Variants in SNW1 observed in about 807,000 individuals in gnomAD.
SNW1 encodes SNW domain-containing protein 1.
Under a neutral mutation model 75.6 loss-of-function variants are expected in SNW1, and 9 were observed. That is an observed-to-expected ratio of 0.12 (90% CI 0.07 to 0.21). The LOEUF (loss-of-function observed/expected upper bound fraction) is 0.21, where lower values mean the gene tolerates loss of function less well. SNW1 is among the 10% of genes least tolerant of loss of function. The probability of loss-of-function intolerance (pLI) is 1.00; values close to 1 mark genes in which losing one functional copy is unlikely to be tolerated. For synonymous variants in SNW1, 200 were observed against 219.1 expected (o/e 0.91, Z 0.77); for missense variants, 409 against 670.9 (o/e 0.61, Z 4.31).
At chr14:77,742,873 G>A (rs2080729245) in intron 3 of SNW1, among the ~76,000 whole-genome samples, 1 of 151,148 alleles carries the variant, frequency 6.6e-6, no homozygotes, top group Non-Finnish European at 1.5e-5. Context: ...CCTGTATGTA[G>A]TATTTCTTAC....
At chr14:77,731,160 A>G (rs754181399) in intron 9 of SNW1, 31 bp from the exon 10 acceptor site, 2 of 1,608,060 alleles carry the variant, frequency 1.2e-6, no homozygotes, top group East Asian at 2.2e-5. Context: ...TAAACAGGAC[A>G]CTATCATGGG....
At chr14:77,730,821 C>T in intron 10 of SNW1, 167 bp downstream of exon 10, 1 of 676,122 alleles carries the variant, frequency 1.5e-6, no homozygotes, top group Non-Finnish European at 2.4e-6. Context: ...TCTCCTGTTG[C>T]TTCAGCTTAC....
At chr14:77,740,633 T>G (rs576531640) in intron 3 of SNW1, among the ~76,000 whole-genome samples, 43 of 152,298 alleles carry the variant, frequency 2.8e-4, no homozygotes, top group Admixed American at 6.5e-4. Flanking sequence ...GCTCTCAATC[T>G]GTGTGTCTCA....
rs1488245377 is a variant in SNW1, at chr14:77,737,104, G to A, written c.534-29C>T. The A allele has an allele frequency of 3.4e-6, 5 of 1,490,554 alleles. No homozygotes were observed. The South Asian group carries it at 3.4e-5, about 10-fold the overall frequency. 92.3% of individuals were successfully genotyped at this position (1,490,554 alleles called of 1,614,324 possible). A position where few individuals can be genotyped will look rare whatever the true frequency, so the allele number is the denominator to read the frequency against. On this transcript the variant is annotated intron_variant, in intron 5 of 13. Coordinates refer to ENST00000261531, the MANE Select transcript of SNW1 (RefSeq NM_012245.3). ...AAGAAAGCAGATAAAAACTAAAGGT[G>A]TAATTAGTTCAAGCTTTCAGTAGGT...
At chr14:77,742,249 T>C (rs2080724952) in intron 3 of SNW1, among the ~76,000 whole-genome samples, 1 of 152,048 alleles carries the variant, frequency 6.6e-6, no homozygotes, top group Non-Finnish European at 1.5e-5. Flanking sequence ...TTGGCCAGGC[T>C]GGTCTCGATC....
intron 3 of SNW1, among the ~76,000 whole-genome samples, chr14:77,747,001 C>T (rs2080765397): frequency 6.6e-6 from 1 of 151,940 alleles, no homozygotes. Flanking sequence ...CATCTCGGCT[C>T]ACTGCAACCT....
At chr14:77,732,024 T>C (rs527909322) in intron 9 of SNW1, among the ~76,000 whole-genome samples, 2 of 152,310 alleles carry the variant, frequency 1.3e-5, no homozygotes, top group African/African-American at 4.8e-5. Flanking sequence ...ACATGAGCCA[T>C]TGTGCCCAGC....
intron 10 of SNW1, among the ~76,000 whole-genome samples, chr14:77,724,865 C>A (rs2080572274): frequency 6.6e-6 from 1 of 152,118 alleles, no homozygotes; most frequent in African/African-American, 2.4e-5. Context: ...GGATATATAC[C>A]CAGCAGTGAA....
chr14:77,755,137 T>C lies in SNW1; in HGVS notation c.15-17A>G, dbSNP rs373460061. The C allele has an allele frequency of 2.2e-5, 35 of 1,602,370 alleles. No individual in the cohort carries two copies. The highest frequency in any genetic ancestry group is 2.9e-5 in the Non-Finnish European group (34 of 1,176,678). On this transcript the variant is annotated splice_polypyrimidine_tract_variant and intron_variant, in intron 1 of 13. Coordinates refer to ENST00000261531, the MANE Select transcript of SNW1 (RefSeq NM_012245.3). ...GGTAAAAAGCTATAAGCAAAGATAA[T>C]AAAAGTCAGAAATTTAAAAAACTCT...
At chr14:77,760,349 C>T (rs541504962) in intron 1 of SNW1, among the ~76,000 whole-genome samples, 26 of 152,274 alleles carry the variant, frequency 1.7e-4, no homozygotes, top group Admixed American at 1.0e-3. Flanking sequence ...GAACACTAGC[C>T]TTTTCCTGTT....
In SNW1 at chr14:77,756,181, T is replaced by G. The variant is rs1248802174; in HGVS notation, c.15-1061A>C. Among the ~76,000 whole-genome samples, 4 of 152,072 alleles carry G rather than the reference T, an allele frequency of 2.6e-5. No individual in the cohort carries two copies. In the East Asian group the frequency reaches 7.7e-4, roughly 29 times the overall value. Reference sequence around the variant, plus strand: ...TGTCGCCCAGCCTTGAGTGCAGTGGTGCAACCTCGGCTCACTGAAACCTCT... The same window carrying G: ...TGTCGCCCAGCCTTGAGTGCAGTGGGGCAACCTCGGCTCACTGAAACCTCT... On this transcript the variant is annotated intron_variant, in intron 1 of 13. Coordinates refer to ENST00000261531, the MANE Select transcript of SNW1 (RefSeq NM_012245.3).
At chr14:77,728,369 T>C (rs574656578) in intron 10 of SNW1, among the ~76,000 whole-genome samples, 6 of 152,150 alleles carry the variant, frequency 3.9e-5, no homozygotes, top group Non-Finnish European at 8.8e-5. Flanking sequence ...GAGAATTGCT[T>C]GAACCCAGGA....
intron 10 of SNW1, among the ~76,000 whole-genome samples, chr14:77,729,972 C>G (rs2080616337): frequency 6.6e-6 from 1 of 152,236 alleles, no homozygotes; most frequent in East Asian, 1.9e-4. Context: ...ATTCTGACAC[C>G]TCATCTCCTA....
chr14:77,737,457 T>A (rs527260391), intron 5 of SNW1, among the ~76,000 whole-genome samples: 3 of 152,256 alleles, frequency 2.0e-5, no homozygotes, highest in African/African-American at 7.2e-5. Flanking sequence ...TTTTGATTAA[T>A]CATAGGTTAT....
intron 6 of SNW1, among the ~76,000 whole-genome samples, chr14:77,736,535 C>T (rs905547245): frequency 2.9e-5 from 4 of 139,396 alleles, no homozygotes; most frequent in South Asian, 2.3e-4. Context: ...GGTGACAGAG[C>T]GAGACTGTCT....
intron 2 of SNW1, among the ~76,000 whole-genome samples, chr14:77,751,833 C>A (rs1286926483): frequency 8.1e-6 from 1 of 123,880 alleles, no homozygotes; most frequent in Non-Finnish European, 1.8e-5. Flanking sequence ...CACACACACA[C>A]ACACACACAC....
chr14:77,733,742 C>CAAAAAA (rs35483765), intron 8 of SNW1, among the ~76,000 whole-genome samples: 1,225 of 64,896 alleles, frequency 0.019, 76 homozygotes, highest in Non-Finnish European at 0.027. Context: ...GAGACCGTCT[C>CAAAAAA]AAAAAAAAAA....
chr14:77,746,604 G>A (rs2080762091), intron 3 of SNW1, among the ~76,000 whole-genome samples: 1 of 151,990 alleles, frequency 6.6e-6, no homozygotes. Context: ...GTTTGTATGT[G>A]GATCTTGAAT....
intron 12 of SNW1, among the ~76,000 whole-genome samples, chr14:77,719,380 G>A (rs61993669): frequency 0.1 from 15,531 of 152,098 alleles, 940 homozygotes; most frequent in African/African-American, 0.15. Flanking sequence ...GCTCACGCCT[G>A]TAATCCCAGC....
Sources: allele counts gnomAD v4.1 joint callset (sites outside exome capture counted in the v4.1 genomes callset), GRCh38; gene constraint gnomAD v4.1.1; transcripts MANE v1.5; gene names NCBI Gene and HGNC (gene_info 2026-07-23, HGNC 2026-07-21).